Variants in SLIT3 observed in about 807,000 individuals in gnomAD.
SLIT3 encodes slit guidance ligand 3.
In SLIT3, 68 loss-of-function variants were observed where a neutral mutation model predicts 184.0. The ratio of observed to expected loss-of-function variants is 0.37; its 90% CI spans 0.30 to 0.45. The LOEUF is 0.45. SLIT3 is among the 20% of genes least tolerant of loss of function. The pLI, the probability that SLIT3 is intolerant of heterozygous loss-of-function variation, is 1.00. For synonymous variants in SLIT3, 831 were observed against 828.6 expected (o/e 1.00, Z -0.05); for missense variants, 1,707 against 2,026.0 (o/e 0.84, Z 3.02).
At chr5:169,152,335 C>T (rs1035644655) in intron 4 of SLIT3, among the ~76,000 whole-genome samples, 2 of 152,184 alleles carry the variant, frequency 1.3e-5, no homozygotes, top group African/African-American at 2.4e-5. Context: ...CTGCAGTGAG[C>T]GTGGAAGGGG....
chr5:169,040,462 A>T (rs1004949153), intron 4 of SLIT3, among the ~76,000 whole-genome samples: 1 of 152,252 alleles, frequency 6.6e-6, no homozygotes, highest in Non-Finnish European at 1.5e-5. Flanking sequence ...ACAGTCTTGC[A>T]TATTTAGAGA....
At chr5:169,019,719 C>A (rs1347954455) in intron 4 of SLIT3, among the ~76,000 whole-genome samples, 1 of 152,178 alleles carries the variant, frequency 6.6e-6, no homozygotes, top group Non-Finnish European at 1.5e-5. Flanking sequence ...AGGGTGGAAT[C>A]CTGAAATTTA....
intron 4 of SLIT3, among the ~76,000 whole-genome samples, chr5:168,992,732 G>A (rs1028737653): frequency 2.0e-5 from 3 of 152,216 alleles, no homozygotes; most frequent in African/African-American, 7.2e-5. Flanking sequence ...AGGGTTCCAA[G>A]GGACAGAGTC....
At position 168,699,366 on chromosome 5, in the gene SLIT3, C is replaced by G. The variant is rs146846137; in HGVS notation, c.2942+1216G>C. 2.2e-4 allele frequency among the ~76,000 whole-genome samples: 34 copies of G among 152,354 alleles called. No homozygotes were observed. The East Asian group carries it at 6.4e-3, about 29-fold the overall frequency. On this transcript the variant is annotated intron_variant, in intron 27 of 35. Transcript: ENST00000519560. Reference sequence around the variant, plus strand: ...CAACTTGAGCTCTAAGACACCCACACATGGCTTGGCATGGGGTGCCCCTGC... The same window carrying G: ...CAACTTGAGCTCTAAGACACCCACAGATGGCTTGGCATGGGGTGCCCCTGC...
intron 4 of SLIT3, among the ~76,000 whole-genome samples, chr5:168,923,027 G>A (rs545409687): frequency 1.7e-4 from 26 of 152,226 alleles, no homozygotes; most frequent in African/African-American, 4.3e-4. Flanking sequence ...GTTGAGTAGC[G>A]GAGTTACCAG....
chr5:168,944,384 CT>C (rs1182743511), intron 4 of SLIT3, among the ~76,000 whole-genome samples: 1 of 152,170 alleles, frequency 6.6e-6, no homozygotes, highest in African/African-American at 2.4e-5. Context: ...TAGGCTGCTC[CT>C]TGCAATAAAG....
chr5:168,904,654 G>A (rs1760985515), intron 4 of SLIT3, among the ~76,000 whole-genome samples: 1 of 152,162 alleles, frequency 6.6e-6, no homozygotes, highest in African/African-American at 2.4e-5. Context: ...GGACAAGAAT[G>A]ACGTCAGGAA....
chr5:169,109,777 G>A (rs1047507778), intron 4 of SLIT3, among the ~76,000 whole-genome samples: 3 of 152,138 alleles, frequency 2.0e-5, no homozygotes, highest in African/African-American at 7.2e-5. Flanking sequence ...TTGATGCTAT[G>A]TTGTCCCTTT....
intron 5 of SLIT3, among the ~76,000 whole-genome samples, chr5:168,852,994 A>G (rs1758731348): frequency 6.6e-6 from 1 of 152,312 alleles, no homozygotes; most frequent in East Asian, 1.9e-4. Context: ...TCAGCTCTGA[A>G]GTTATATGAC....
At chr5:168,672,317 G>A (rs192863450) in intron 33 of SLIT3, among the ~76,000 whole-genome samples, 12 of 152,274 alleles carry the variant, frequency 7.9e-5, no homozygotes, top group Admixed American at 5.9e-4. Context: ...TTCTGGGCCC[G>A]TGCTAGTCTC....
intron 11 of SLIT3, among the ~76,000 whole-genome samples, chr5:168,787,379 G>A (rs1477459359): frequency 6.6e-6 from 1 of 152,154 alleles, no homozygotes; most frequent in Non-Finnish European, 1.5e-5. Flanking sequence ...CCTGGCAGGT[G>A]GAGGCGGGCT....
At chr5:168,750,746 C>T (rs566634845) in intron 18 of SLIT3, among the ~76,000 whole-genome samples, 23 of 152,094 alleles carry the variant, frequency 1.5e-4, no homozygotes, top group African/African-American at 4.3e-4. Context: ...CTCGTTCATT[C>T]GATTCATTCC....
intron 20 of SLIT3, among the ~76,000 whole-genome samples, chr5:168,728,909 C>T (rs968112095): frequency 6.7e-6 from 1 of 150,114 alleles, no homozygotes; most frequent in African/African-American, 2.5e-5. Flanking sequence ...CAGAGTTAGA[C>T]TCTGTCTCAA....
intron 4 of SLIT3, among the ~76,000 whole-genome samples, chr5:168,895,089 G>T (rs1271740853): frequency 6.6e-6 from 1 of 152,202 alleles, no homozygotes; most frequent in Non-Finnish European, 1.5e-5. Flanking sequence ...AAGAGAGGAA[G>T]TCAGCGGGCT....
chr5:169,277,630 C>A (rs1261458382), intron 1 of SLIT3, among the ~76,000 whole-genome samples: 1 of 152,180 alleles, frequency 6.6e-6, no homozygotes, highest in African/African-American at 2.4e-5. Flanking sequence ...TATGTATATA[C>A]CACATTTTGT....
At chr5:169,253,340 G>C (rs1349303827) in intron 1 of SLIT3, among the ~76,000 whole-genome samples, 2 of 152,124 alleles carry the variant, frequency 1.3e-5, no homozygotes, top group Non-Finnish European at 2.9e-5. Flanking sequence ...CTAATATTTT[G>C]AATATTTATT....
intron 1 of SLIT3, among the ~76,000 whole-genome samples, chr5:169,263,213 T>C (rs2113617217): frequency 6.6e-6 from 1 of 152,238 alleles, no homozygotes; most frequent in African/African-American, 2.4e-5. Flanking sequence ...ATGGTGGTAC[T>C]TGCCTATAGT....
At chr5:169,155,493 G>C (rs1762272476) in intron 4 of SLIT3, among the ~76,000 whole-genome samples, 1 of 152,162 alleles carries the variant, frequency 6.6e-6, no homozygotes, top group South Asian at 2.1e-4. Flanking sequence ...AGCACTTGGA[G>C]CAAAAGATCC....
chr5:169,051,792 G>T (rs551942883), intron 4 of SLIT3, among the ~76,000 whole-genome samples: 1 of 152,154 alleles, frequency 6.6e-6, no homozygotes, highest in African/African-American at 2.4e-5. Context: ...GAGCCAGGTC[G>T]TTCTACAGCA....
Sources: allele counts gnomAD v4.1 joint callset (sites outside exome capture counted in the v4.1 genomes callset), GRCh38; gene constraint gnomAD v4.1.1; transcripts MANE v1.5; gene names NCBI Gene and HGNC (gene_info 2026-07-23, HGNC 2026-07-21).